Variants in GSAP observed in about 807,000 individuals in gnomAD.
The protein encoded by GSAP is gamma-secretase activating protein, also known as gamma-secretase-activating protein.
In GSAP, 118 loss-of-function variants were observed where a neutral mutation model predicts 131.7. That is an observed-to-expected ratio of 0.90 (90% CI 0.77 to 1.04). GSAP has a LOEUF of 1.04. GSAP is among the 50% of genes least tolerant of loss of function. The pLI, the probability that GSAP is intolerant of heterozygous loss-of-function variation, is 0.00. For missense variants in GSAP, 1,019 were observed against 1,013.2 expected (o/e 1.01, Z -0.08); for synonymous variants, 381 against 363.4 (o/e 1.05, Z -0.55).
intron 19 of GSAP, among the ~76,000 whole-genome samples, chr7:77,341,672 G>A (rs1455543658): frequency 1.3e-5 from 2 of 152,280 alleles, no homozygotes; most frequent in East Asian, 3.9e-4. Flanking sequence ...AGAAGGGCCA[G>A]AAGGCCGTCT....
chr7:77,384,680 C>T (rs1295441329), intron 6 of GSAP, among the ~76,000 whole-genome samples: 2 of 152,044 alleles, frequency 1.3e-5, no homozygotes, highest in Non-Finnish European at 2.9e-5. Context: ...CCAAGCCCCA[C>T]CTGCCACTCC....
chr7:77,376,518 G>A (rs113968166), intron 10 of GSAP, among the ~76,000 whole-genome samples: 64 of 152,274 alleles, frequency 4.2e-4, no homozygotes, highest in African/African-American at 1.4e-3. Flanking sequence ...GCTCATGCCT[G>A]TAATCCCAGC....
chr7:77,369,266 G>A (rs531619801), intron 12 of GSAP, among the ~76,000 whole-genome samples: 1 of 152,296 alleles, frequency 6.6e-6, no homozygotes, highest in Admixed American at 6.5e-5. Flanking sequence ...TAGGGAAATA[G>A]TAAGATATGC....
chr7:77,416,160 T>C, intron 1 of GSAP, 53 bp downstream of exon 1: 3 of 1,078,252 alleles, frequency 2.8e-6, no homozygotes, highest in Non-Finnish European at 3.8e-6. Flanking sequence ...CCGGGGGGTA[T>C]GAGGGACTCC....
intron 19 of GSAP, among the ~76,000 whole-genome samples, chr7:77,348,000 A>T (rs10229174): frequency 0.26 from 39,890 of 150,604 alleles, 7,144 homozygotes; most frequent in African/African-American, 0.5. Context: ...AAAAAAAAAA[A>T]AATAAGAAAA....
intron 19 of GSAP, among the ~76,000 whole-genome samples, chr7:77,346,270 C>CAAAAAAAAAAAAAAA (rs1223497863): frequency 2.0e-4 from 8 of 40,866 alleles, no homozygotes; most frequent in South Asian, 9.9e-4. Flanking sequence ...GACTCCATCT[C>CAAAAAAAAAAAAAAA]AAAAAAAAAA....
rs1200040086 is a variant in GSAP, at chr7:77,334,579, T to TAAAAAAAAAAAAAAAAAAAAAAAAAAAA, written c.1546-4213_1546-4212insTTTTTTTTTTTTTTTTTTTTTTTTTTTT. The stretch of plus-strand genomic sequence containing the variant: ...GCCCATGTATCCTGGAACTTAAAAT[T>TAAAAAAAAAAAAAAAAAAAAAAAAAAAA]TAAAAAAAAAAAAAAAAAAAAAAAA... On this transcript the variant is annotated intron_variant, in intron 19 of 30. Transcript: ENST00000257626. Among the ~76,000 whole-genome samples the TAAAAAAAAAAAAAAAAAAAAAAAAAAAA allele has an allele frequency of 2.3e-4, 19 of 82,394 alleles. 1 individual carries two copies. Among genetic ancestry groups the TAAAAAAAAAAAAAAAAAAAAAAAAAAAA allele is most frequent in the Non-Finnish European group, 2.8e-4 (12 of 42,590 alleles). The allele number at this position is 82,394 out of a possible 152,430, so 54.1% of individuals were successfully genotyped here. A position where few individuals can be genotyped will look rare whatever the true frequency, so the allele number is the denominator to read the frequency against.
intron 1 of GSAP, among the ~76,000 whole-genome samples, 183 bp downstream of exon 1, chr7:77,416,030 T>C (rs1804365295): frequency 6.6e-6 from 1 of 152,190 alleles, no homozygotes; most frequent in Admixed American, 6.5e-5. Context: ...CCCCAGACCT[T>C]CCGCCGTGGC....
intron 19 of GSAP, among the ~76,000 whole-genome samples, chr7:77,344,448 G>A (rs752649511): frequency 6.6e-6 from 1 of 152,142 alleles, no homozygotes; most frequent in Non-Finnish European, 1.5e-5. Context: ...CTGTATGGAC[G>A]CTCCTTTTTG....
intron 13 of GSAP, among the ~76,000 whole-genome samples, chr7:77,361,404 T>C (rs1794502386): frequency 6.6e-6 from 1 of 152,230 alleles, no homozygotes; most frequent in South Asian, 2.1e-4. Context: ...TTTTATTTAC[T>C]GCCTTTGATC....
In GSAP at chr7:77,397,432, ATTT is replaced by A. The variant is rs752070946; in HGVS notation, c.244-20_244-18del. 28 of 1,378,242 alleles carry A rather than the reference ATTT, an allele frequency of 2.0e-5. No individual in the cohort carries two copies. The highest frequency in any genetic ancestry group is 2.6e-5 in the Non-Finnish European group (25 of 976,832). The allele number at this position is 1,378,242 out of a possible 1,614,324, so 85.4% of individuals were successfully genotyped here. ...ATATAGAAGCTATTAAAACAAAAAT[ATTT>A]TTTAATTTGAAGTTTCATACATTAA... On this transcript the variant is annotated intron_variant, in intron 3 of 30. Transcript: ENST00000257626.
chr7:77,361,156 G>A (rs535411422), intron 13 of GSAP, among the ~76,000 whole-genome samples: 9 of 152,180 alleles, frequency 5.9e-5, no homozygotes, highest in Non-Finnish European at 1.3e-4. Context: ...GATTGTTCAG[G>A]GAGGAGAGGA....
intron 14 of GSAP, among the ~76,000 whole-genome samples, chr7:77,357,288 A>C (rs1273104658): frequency 1.3e-5 from 2 of 152,184 alleles, no homozygotes; most frequent in Non-Finnish European, 2.9e-5. Flanking sequence ...GGTAGGCTGA[A>C]TGATGGCTCC....
At chr7:77,410,764 TTAAAG>T (rs1222188209) in intron 1 of GSAP, among the ~76,000 whole-genome samples, 1 of 152,170 alleles carries the variant, frequency 6.6e-6, no homozygotes, top group African/African-American at 2.4e-5. Context: ...GAGACAAAAA[TTAAAG>T]TATTTGTCTT....
At position 77,333,404 on chromosome 7, in the gene GSAP, C is replaced by G. The variant is rs1035874580; in HGVS notation, c.1546-3037G>C. On this transcript the variant is annotated intron_variant, in intron 19 of 30. Transcript: ENST00000257626. ...CATTCTCTATGGTGAAGACAATAGC[C>G]TCCAGCATGTGCAACTCCCAGCCTC... 9.2e-5 allele frequency among the ~76,000 whole-genome samples: 14 copies of G among 152,246 alleles called. 1 individual carries two copies. Among genetic ancestry groups the G allele is most frequent in the South Asian group, 8.3e-4 (4 of 4,820 alleles).
chr7:77,382,948 A>C (rs1798010765), intron 6 of GSAP, among the ~76,000 whole-genome samples: 1 of 152,164 alleles, frequency 6.6e-6, no homozygotes, highest in African/African-American at 2.4e-5. Flanking sequence ...CACTTTGGGA[A>C]GCCAAGACAG....
chr7:77,374,894 T>C (rs534541581), intron 11 of GSAP, among the ~76,000 whole-genome samples, 164 bp downstream of exon 11: 2 of 152,336 alleles, frequency 1.3e-5, no homozygotes, highest in South Asian at 2.1e-4. Context: ...GGGTTCATGT[T>C]TGATAAAGTT....
Position 77,408,705 on chromosome 7 carries a change from A to AG in GSAP, c.110-2601_110-2600insC, listed in dbSNP as rs1406730467. ...CTCTGCCTCCAAAAAAAAAAAAAAA[A>AG]AAAAAAAAGAAAAGATAAATTGCTT... On this transcript the variant is annotated intron_variant, in intron 1 of 30. Coordinates refer to ENST00000257626, the MANE Select transcript of GSAP (RefSeq NM_017439.4). Among the ~76,000 whole-genome samples, 26 of 151,692 alleles carry AG rather than the reference A, an allele frequency of 1.7e-4. 1 individual carries two copies. Among genetic ancestry groups the AG allele is most frequent in the African/African-American group, 6.0e-4 (25 of 41,410 alleles).
At chr7:77,393,779 T>G (rs1266397323) in intron 5 of GSAP, among the ~76,000 whole-genome samples, 1 of 151,124 alleles carries the variant, frequency 6.6e-6, no homozygotes, top group Non-Finnish European at 1.5e-5. Context: ...GATCAAGCAA[T>G]TCTCCTGCCT....
Sources: gnomAD v4.1 joint callset for allele counts (sites outside exome capture counted in the v4.1 genomes callset) on GRCh38, gnomAD v4.1.1 for gene constraint, MANE v1.5 for transcripts, NCBI Gene and HGNC (gene_info 2026-07-23, HGNC 2026-07-21) for gene names.